Variants in DRP2 observed in about 807,000 individuals in gnomAD.
DRP2 encodes dystrophin related protein 2.
Under a neutral mutation model 78.2 loss-of-function variants are expected in DRP2, and 29 were observed. The observed-to-expected ratio is 0.37, with a 90% CI of 0.28 to 0.51. DRP2 has a LOEUF of 0.51. DRP2 is among the 20% of genes least tolerant of loss of function. The pLI is 0.94. For missense variants in DRP2, 686 were observed against 770.6 expected, an observed-to-expected ratio of 0.89 and a Z score of 1.30; for synonymous variants, 290 against 281.9, an observed-to-expected ratio of 1.03 and a Z score of -0.29.
rs1272911961 is a variant in DRP2 at position 101,264,193 on chromosome X, G to C, written c.*3572G>C. 8.9e-6 allele frequency: 1 copy of C among 112,181 alleles called. No individual in the cohort carries two copies. Among genetic ancestry groups the C allele is most frequent in the Non-Finnish European group, 1.9e-5 (1 of 53,267 alleles). 9.2% of individuals were successfully genotyped at this position (112,181 alleles called of 1,213,427 possible). On this transcript the variant is annotated 3_prime_UTR_variant, in exon 24 of 24. Coordinates refer to ENST00000395209, the MANE Select transcript of DRP2 (RefSeq NM_001939.3). ...AAGGCTCAAGGCCAGGGCTCAGCTC[G>C]CAGAGTCCATCTTCTCCCACAGTTG...
intron 21 of DRP2, 31 bp from the exon 22 acceptor site, chrX:101,258,278 C>G: frequency 1.8e-6 from 2 of 1,130,354 alleles, no homozygotes; most frequent in Non-Finnish European, 2.4e-6. Flanking sequence ...CCTGTTAGAG[C>G]CATAGGTCTT....
chrX:101,231,505 T>C, intron 2 of DRP2, 80 bp from the exon 3 acceptor site: 1 of 573,888 alleles, frequency 1.7e-6, no homozygotes, highest in Non-Finnish European at 3.1e-6. Context: ...GTATATCTGG[T>C]CAAGGCACCT....
At chrX:101,255,006 A>G (rs112238285) in intron 19 of DRP2, 82 bp downstream of exon 19, 2 of 1,156,068 alleles carry the variant, frequency 1.7e-6, no homozygotes, top group East Asian at 6.0e-5. Flanking sequence ...GGCAAGGAGA[A>G]TGGAGTCAGG....
At chrX:101,242,608 T>C in intron 8 of DRP2, 137 bp downstream of exon 8, 1 of 829,975 alleles carries the variant, frequency 1.2e-6, no homozygotes, top group Non-Finnish European at 1.7e-6. Flanking sequence ...GGAATGGGCT[T>C]TTCAACCTCT....
Position 101,255,234 on chromosome X carries a change from C to A in DRP2, c.2231C>A (p.Ser744Tyr), listed in dbSNP as rs1342937629. The change falls in exon 20 of 24, where the codon TCC (serine) becomes TAC (tyrosine). Residue 744 changes from serine to tyrosine, a missense_variant. Physicochemically the swap from Ser to Tyr is moderately radical, Grantham distance 144. Around this residue, in one of 2 missense-constraint regions of DRP2, gnomAD observed 423 missense variants for 531.5 expected, o/e 0.80. Transcript: ENST00000395209. ...TGCTCCTTCTTTAATGACAGCTTGT[C>A]CCCAGATGACAGCATGTGAGTTTCC... is the stretch of plus-strand genomic sequence containing the variant. ...QNCSFFNDSL[S>Y]PDDSIDEDQY... is the part of the protein sequence containing the mutation. The A allele has an allele frequency of 9.1e-6, 11 of 1,208,572 alleles. No homozygotes were observed. The East Asian group carries it at 3.0e-4, about 33-fold the overall frequency.
chrX:101,260,814 C>A lies in DRP2; in HGVS notation c.*193C>A. 2.3e-6 allele frequency: 1 copy of A among 437,602 alleles called. No individual in the cohort carries two copies. Among genetic ancestry groups the A allele is most frequent in the Non-Finnish European group, 3.7e-6 (1 of 272,576 alleles). The allele number at this position is 437,602 out of a possible 1,213,427, so 36.1% of individuals were successfully genotyped here. A position where few individuals can be genotyped will look rare whatever the true frequency, so the allele number is the denominator to read the frequency against. On this transcript the variant is annotated 3_prime_UTR_variant, in exon 24 of 24. Coordinates refer to ENST00000395209, the MANE Select transcript of DRP2 (RefSeq NM_001939.3). ...CGGGCAGTGATGGGAGAAGGGGAGGCATGATTCTTCTGACCCTAGAAATGT... is the reference window on the plus strand; with the variant it reads ...CGGGCAGTGATGGGAGAAGGGGAGGAATGATTCTTCTGACCCTAGAAATGT...
intron 17 of DRP2, among the ~76,000 whole-genome samples, chrX:101,254,148 G>A (rs1411997950): frequency 7.9e-5 from 8 of 100,988 alleles, no homozygotes; most frequent in African/African-American, 3.0e-4. Flanking sequence ...TATTAGTTTT[G>A]CTTTTAGAGG....
rs948261036 is a variant in DRP2, at chrX:101,254,739, A to G, written c.2115-120A>G. 41 of 1,070,274 alleles carry G rather than the reference A, an allele frequency of 3.8e-5. No homozygotes were observed. The Admixed American group carries it at 9.3e-4, about 24-fold the overall frequency. The allele number at this position is 1,070,274 out of a possible 1,213,427, so 88.2% of individuals were successfully genotyped here. ...TGGCCTGAGAAGTAGACTGGAATCC[A>G]GTCTTTGTATTTTGTTCCCATCAGC... On this transcript the variant is annotated intron_variant, in intron 18 of 23. Coordinates refer to ENST00000395209, the MANE Select transcript of DRP2 (RefSeq NM_001939.3).
At chrX:101,238,134 A>C (rs1237788094) in intron 5 of DRP2, among the ~76,000 whole-genome samples, 1 of 112,082 alleles carries the variant, frequency 8.9e-6, no homozygotes, top group African/African-American at 3.2e-5. Flanking sequence ...ATATAACAGC[A>C]TAGGAAGGAA....
At chrX:101,243,244 T>C (rs1228611693) in intron 9 of DRP2, 1 of 192,497 alleles carries the variant, frequency 5.2e-6, no homozygotes, top group African/African-American at 3.0e-5. Context: ...CTGGCCAACA[T>C]GCAAAACTCC....
At chrX:101,243,330 G>A (rs899616676) in intron 9 of DRP2, among the ~76,000 whole-genome samples, 3 of 105,703 alleles carry the variant, frequency 2.8e-5, no homozygotes, top group African/African-American at 1.0e-4. Context: ...GAAGGCTGAG[G>A]CAGGAGAATT....
chrX:101,232,937 T>A (rs1046731668), intron 3 of DRP2, among the ~76,000 whole-genome samples: 7 of 112,530 alleles, frequency 6.2e-5, no homozygotes, highest in African/African-American at 2.3e-4. Flanking sequence ...TCTGCCACGA[T>A]CCAGTTTCTC....
At chrX:101,238,865 A>G (rs1368103857) in intron 5 of DRP2, 116 bp from the exon 6 acceptor site, 3 of 961,931 alleles carry the variant, frequency 3.1e-6, no homozygotes, top group Non-Finnish European at 2.8e-6. Context: ...AAGATACCTG[A>G]TAATGCCAAA....
chrX:101,250,994 G>A lies in DRP2; in HGVS notation c.1776G>A (p.Leu592=), dbSNP rs374783542. 4 of 1,210,145 alleles carry A rather than the reference G, an allele frequency of 3.3e-6. No homozygotes were observed. In the African/African-American group the frequency reaches 7.0e-5, roughly 21 times the overall value. Residue 592 remains leucine (L), a synonymous_variant, in exon 16 of 24, where the codon CTG becomes CTA. Transcript: ENST00000395209. ...VNLEPQSMVW[L]AVLHRVTIAE... ...TGGAGCCCCAGTCCATGGTGTGGCT[G>A]GCTGTTCTGCATCGGGTCACCATTG...
At chrX:101,220,379 C>A (rs1431688233) in intron 1 of DRP2, among the ~76,000 whole-genome samples, 1 of 103,485 alleles carries the variant, frequency 9.7e-6, no homozygotes, top group East Asian at 3.0e-4. Flanking sequence ...TAAAAATGCC[C>A]ACAATAAAGT....
intron 22 of DRP2, among the ~76,000 whole-genome samples, chrX:101,259,001 C>G (rs985824829): frequency 9.8e-5 from 11 of 111,840 alleles, no homozygotes; most frequent in Non-Finnish European, 2.1e-4. Context: ...ACTTTTTGCA[C>G]CTTTCATCTC....
At chrX:101,240,433 G>A (rs1463426039) in intron 6 of DRP2, among the ~76,000 whole-genome samples, 5 of 112,440 alleles carry the variant, frequency 4.4e-5, no homozygotes, top group East Asian at 2.8e-4. Flanking sequence ...ACCAGGTCTC[G>A]CCATGTTGGC....
At chrX:101,224,208 T>TTTTTTTTTTTTTTTTTTTTTG (rs1922023299) in intron 1 of DRP2, among the ~76,000 whole-genome samples, 1 of 72,402 alleles carries the variant, frequency 1.4e-5, no homozygotes, top group Non-Finnish European at 2.6e-5. Flanking sequence ...TTTTTTTTTT[T>TTTTTTTTTTTTTTTTTTTTTG]TTTTTTTTTT....
intron 16 of DRP2, chrX:101,251,836 A>C (rs1264714945): frequency 8.9e-6 from 1 of 111,826 alleles, no homozygotes; most frequent in African/African-American, 3.3e-5. Flanking sequence ...GGTCTCCTTG[A>C]TTATATTCCT....
Sources: allele counts gnomAD v4.1 joint callset (sites outside exome capture counted in the v4.1 genomes callset), GRCh38; gene constraint gnomAD v4.1.1; regional missense constraint gnomAD v4.1.1; transcripts MANE v1.5; gene names NCBI Gene and HGNC (gene_info 2026-07-23, HGNC 2026-07-21).